Variants in LRRC3B observed in about 807,000 individuals in gnomAD.
The protein encoded by LRRC3B is leucine-rich repeat-containing protein 3B.
LRRC3B carries 2 observed loss-of-function variants against 12.8 expected under a neutral mutation model. That is an observed-to-expected ratio of 0.16 (90% CI 0.06 to 0.49). LRRC3B has a LOEUF of 0.49. Ranked by LOEUF, LRRC3B falls within the 20% of genes least tolerant of loss-of-function variation. The pLI is 0.96. For missense variants in LRRC3B, 189 were observed against 319.4 expected, an observed-to-expected ratio of 0.59 and a Z score of 3.11; for synonymous variants, 132 against 122.0, an observed-to-expected ratio of 1.08 and a Z score of -0.54.
chr3:26,640,264 C>T (rs1459937317), intron 1 of LRRC3B, among the ~76,000 whole-genome samples: 4 of 152,094 alleles, frequency 2.6e-5, no homozygotes, highest in Admixed American at 6.6e-5. Flanking sequence ...CTTCTCTTTT[C>T]GTGAGATCAC....
chr3:26,625,443 AG>A (rs1698604542), intron 1 of LRRC3B: 1 of 152,314 alleles, frequency 6.6e-6, no homozygotes, highest in Admixed American at 6.5e-5. Flanking sequence ...CTGAGCACAA[AG>A]GCCACACCCT....
chr3:26,704,232 G>T (rs571155115), intron 1 of LRRC3B, among the ~76,000 whole-genome samples: 50 of 151,870 alleles, frequency 3.3e-4, no homozygotes, highest in African/African-American at 1.1e-3. Context: ...TTTTTGAGCT[G>T]CTCTTTAGGG....
chr3:26,700,582 A>G (rs1378680431), intron 1 of LRRC3B, among the ~76,000 whole-genome samples: 1 of 152,200 alleles, frequency 6.6e-6, no homozygotes, highest in African/African-American at 2.4e-5. Context: ...TTGCCCCACA[A>G]GCTTCTAAAG....
At chr3:26,647,794 C>T (rs1260683391) in intron 1 of LRRC3B, among the ~76,000 whole-genome samples, 1 of 152,196 alleles carries the variant, frequency 6.6e-6, no homozygotes, top group East Asian at 1.9e-4. Flanking sequence ...CAGGTGTAAA[C>T]TTCAATCCCA....
intron 1 of LRRC3B, among the ~76,000 whole-genome samples, chr3:26,704,395 T>C (rs1341754502): frequency 6.6e-6 from 1 of 152,198 alleles, no homozygotes; most frequent in African/African-American, 2.4e-5. Context: ...TTATTGACAC[T>C]AAATACTATG....
intron 1 of LRRC3B, among the ~76,000 whole-genome samples, chr3:26,636,727 A>G (rs1263582436): frequency 6.6e-6 from 1 of 151,830 alleles, no homozygotes; most frequent in East Asian, 1.9e-4. Context: ...ATATGCATCA[A>G]TTTCTTCTGC....
intron 1 of LRRC3B, among the ~76,000 whole-genome samples, chr3:26,680,235 C>T (rs1339032480): frequency 1.3e-5 from 2 of 152,156 alleles, no homozygotes; most frequent in African/African-American, 4.8e-5. Flanking sequence ...AATACCACCT[C>T]TCCACCCCCA....
intron 1 of LRRC3B, among the ~76,000 whole-genome samples, chr3:26,674,889 G>GT (rs1355394238): frequency 6.6e-6 from 1 of 152,116 alleles, no homozygotes; most frequent in Non-Finnish European, 1.5e-5. Flanking sequence ...CCTGTCTATG[G>GT]TTTTTCCTGA....
rs139878023 is a variant in LRRC3B, at chr3:26,671,536, C to T, written c.-160-37977C>T. Among the ~76,000 whole-genome samples the T allele has an allele frequency of 7.0e-3, 1,063 of 150,860 alleles. 14 individuals carry two copies. Among genetic ancestry groups the T allele is most frequent in the African/African-American group, 0.025 (1,019 of 40,964 alleles). The stretch of plus-strand genomic sequence containing the variant: ...CCTCCCAAGTAGCTGGGACTACAGG[C>T]GCGCGCCACCAAGCCCAGCTAATTT... On this transcript the variant is annotated intron_variant, in intron 1 of 1. Coordinates refer to ENST00000396641, the Ensembl canonical transcript of LRRC3B.
intron 1 of LRRC3B, among the ~76,000 whole-genome samples, chr3:26,695,905 A>T (rs1475391305): frequency 6.6e-6 from 1 of 152,204 alleles, no homozygotes; most frequent in East Asian, 1.9e-4. Flanking sequence ...TCAGGCTGTT[A>T]CCTTCCCATG....
At chr3:26,675,128 C>T (rs536368588) in intron 1 of LRRC3B, among the ~76,000 whole-genome samples, 27 of 152,158 alleles carry the variant, frequency 1.8e-4, no homozygotes, top group South Asian at 6.2e-4. Flanking sequence ...TGGTTCTGCC[C>T]GCCTGATTCT....
At chr3:26,710,726 T>A in exon 2 of LRRC3B, 1 of 268,934 alleles carries the variant, frequency 3.7e-6, no homozygotes, top group East Asian at 7.1e-5. Flanking sequence ...TAATGAAATT[T>A]ATTTTTTTAA....
chr3:26,638,833 A>G (rs1559351212), intron 1 of LRRC3B, among the ~76,000 whole-genome samples: 1 of 152,186 alleles, frequency 6.6e-6, no homozygotes, highest in Non-Finnish European at 1.5e-5. Context: ...GCCAAAGTCA[A>G]TTGAAGTAAG....
At chr3:26,639,353 A>T (rs1698970803) in intron 1 of LRRC3B, among the ~76,000 whole-genome samples, 1 of 152,172 alleles carries the variant, frequency 6.6e-6, no homozygotes, top group African/African-American at 2.4e-5. Flanking sequence ...TTTGGACACT[A>T]AATTTTCATT....
chr3:26,684,077 A>G lies in LRRC3B; in HGVS notation c.-160-25436A>G, dbSNP rs1277390909. ...ATCAGCCAATTTAGATGATTTGCTCAAGTTGTTATTCAGTCAGGATCACGG... is the reference window on the plus strand; with the variant it reads ...ATCAGCCAATTTAGATGATTTGCTCGAGTTGTTATTCAGTCAGGATCACGG... On this transcript the variant is annotated intron_variant, in intron 1 of 1. Coordinates refer to ENST00000396641, the Ensembl canonical transcript of LRRC3B. Among the ~76,000 whole-genome samples, 7 of 152,320 alleles carry G rather than the reference A, an allele frequency of 4.6e-5. No individual in the cohort carries two copies. The South Asian group carries it at 1.5e-3, about 32-fold the overall frequency.
intron 1 of LRRC3B, among the ~76,000 whole-genome samples, chr3:26,699,879 A>T (rs1559372139): frequency 6.6e-6 from 1 of 152,200 alleles, no homozygotes. Context: ...TGTAGCAGAG[A>T]CATCGTGGTA....
At chr3:26,676,368 A>AATG (rs1267845483) in intron 1 of LRRC3B, among the ~76,000 whole-genome samples, 2 of 151,758 alleles carry the variant, frequency 1.3e-5, no homozygotes, top group African/African-American at 4.8e-5. Flanking sequence ...GTTTGCTGAG[A>AATG]ATGATGGTTT....
intron 1 of LRRC3B, among the ~76,000 whole-genome samples, chr3:26,636,924 T>TCTTTCTCTCTC (rs1698902474): frequency 3.3e-5 from 2 of 60,888 alleles, no homozygotes; most frequent in African/African-American, 2.4e-4. Flanking sequence ...CTCTCTTTCT[T>TCTTTCTCTCTC]TCTTTCTTTC....
At chr3:26,636,366 T>C (rs1445647462) in intron 1 of LRRC3B, among the ~76,000 whole-genome samples, 2 of 152,214 alleles carry the variant, frequency 1.3e-5, no homozygotes, top group Admixed American at 6.5e-5. Flanking sequence ...TGCTTTCTTG[T>C]TGCTCTTAGA....
Sources: gnomAD v4.1 joint callset for allele counts (sites outside exome capture counted in the v4.1 genomes callset) on GRCh38, gnomAD v4.1.1 for gene constraint, MANE v1.5 for transcripts, NCBI Gene and HGNC (gene_info 2026-07-23, HGNC 2026-07-21) for gene names.